The following XKR6 variants were observed in gnomAD, a reference collection of about 807,000 sequenced individuals.
The protein encoded by XKR6 is XK-related protein 6.
In XKR6, 22 loss-of-function variants were observed where a neutral mutation model predicts 56.7. The ratio of observed to expected loss-of-function variants is 0.39; its 90% CI spans 0.28 to 0.55. XKR6 has a LOEUF of 0.55. Among genes scored for constraint, XKR6 ranks in the 20% least tolerant of loss-of-function variants. The probability of loss-of-function intolerance (pLI) is 0.66; values close to 1 mark genes in which losing one functional copy is unlikely to be tolerated. For missense variants in XKR6, 852 were observed against 889.0 expected, an observed-to-expected ratio of 0.96 and a Z score of 0.53; for synonymous variants, 524 against 387.8, an observed-to-expected ratio of 1.35 and a Z score of -4.13.
At chr8:10,924,982 C>T (rs1224701112) in intron 1 of XKR6, 152 bp from the exon 2 acceptor site, 7 of 821,734 alleles carry the variant, frequency 8.5e-6, no homozygotes, top group Non-Finnish European at 1.3e-5. Context: ...CTCTGGGGGG[C>T]TCCCGGCAAA....
chr8:10,960,501 G>A (rs1470132832), intron 1 of XKR6, among the ~76,000 whole-genome samples: 4 of 152,200 alleles, frequency 2.6e-5, no homozygotes, highest in Non-Finnish European at 5.9e-5. Flanking sequence ...ATATTCACAC[G>A]CCTCCACAAG....
At chr8:11,095,491 C>T (rs1045647678) in intron 1 of XKR6, among the ~76,000 whole-genome samples, 3 of 152,172 alleles carry the variant, frequency 2.0e-5, no homozygotes, top group Admixed American at 2.0e-4. Context: ...TGCTTTTAGG[C>T]ACCAGTGCAA....
chr8:11,109,372 G>C, intron 1 of XKR6: 1 of 152,098 alleles, frequency 6.6e-6, no homozygotes, highest in East Asian at 1.9e-4. Context: ...CTTATTTTTA[G>C]CTAAGTTAAT....
intron 1 of XKR6, among the ~76,000 whole-genome samples, chr8:11,120,287 C>G (rs1340489846): frequency 6.6e-6 from 1 of 152,116 alleles, no homozygotes; most frequent in African/African-American, 2.4e-5. Flanking sequence ...TTAGAAAACC[C>G]CATCGCCTCA....
intron 1 of XKR6, among the ~76,000 whole-genome samples, chr8:10,991,433 G>T (rs191139371): frequency 3.3e-5 from 5 of 152,250 alleles, no homozygotes; most frequent in Admixed American, 3.3e-4. Context: ...CTGGCCTGAG[G>T]ATAGTTATGA....
intron 1 of XKR6, among the ~76,000 whole-genome samples, chr8:10,973,802 C>G (rs1586376493): frequency 6.6e-6 from 1 of 152,140 alleles, no homozygotes. Context: ...CCAGGCTGGT[C>G]GTGAACTCAT....
chr8:11,097,858 A>C (rs140303926), intron 1 of XKR6, among the ~76,000 whole-genome samples: 20 of 129,886 alleles, frequency 1.5e-4, no homozygotes, highest in Middle Eastern at 3.9e-3. Flanking sequence ...TACTAAATAC[A>C]TCGTAAATTC....
chr8:11,128,891 C>G (rs754823805), intron 1 of XKR6: 105 of 456,752 alleles, frequency 2.3e-4, no homozygotes, highest in Non-Finnish European at 4.0e-4. Flanking sequence ...TTGCCTTGGT[C>G]ACTGCTAACT....
Position 10,898,296 on chromosome 8 carries a change from G to T in XKR6, c.1582C>A (p.Pro528Thr). 1 of 1,614,084 alleles carries T rather than the reference G, an allele frequency of 6.2e-7. No homozygotes were observed. Residue 528 changes from proline (P) to threonine (T), a missense_variant, in exon 3 of 3, where the codon CCC becomes ACC. This residue lies in a region of XKR6 where 197 missense variants were observed against 190.9 expected (regional missense o/e 1.03). Transcript: ENST00000416569. This position sits in a 1 kb window ranked among gnomAD's most constrained non-coding sequence, Gnocchi z 6.6. ...WGIPLPPDVEPMAPEIPGYRG... is the reference protein window; with the variant it reads ...WGIPLPPDVETMAPEIPGYRG... ...TACCCAGGGATCTCAGGCGCCATGG[G>T]CTCAACATCGGGGGGCAAAGGGATG... is the stretch of plus-strand genomic sequence containing the variant.
chr8:10,946,132 C>T (rs75202192), intron 1 of XKR6, among the ~76,000 whole-genome samples: 7 of 152,200 alleles, frequency 4.6e-5, no homozygotes, highest in African/African-American at 1.7e-4. Context: ...ACACACACCT[C>T]CCTGTGTCAC....
intron 1 of XKR6, among the ~76,000 whole-genome samples, chr8:11,013,705 C>T (rs886410863): frequency 1.3e-5 from 2 of 152,238 alleles, no homozygotes; most frequent in Admixed American, 1.3e-4. Context: ...CCTCCCCTAG[C>T]TGGTTTGGAA....
intron 1 of XKR6, among the ~76,000 whole-genome samples, chr8:11,136,055 T>C (rs1334670491): frequency 1.3e-5 from 2 of 152,200 alleles, no homozygotes; most frequent in Admixed American, 6.5e-5. Flanking sequence ...TGGCACCTTA[T>C]AAATTATTGC....
intron 1 of XKR6, among the ~76,000 whole-genome samples, chr8:11,110,376 T>C (rs751340421): frequency 4.6e-5 from 7 of 152,172 alleles, no homozygotes; most frequent in Non-Finnish European, 8.8e-5. Flanking sequence ...GGTATTGGGG[T>C]AGACTATTCA....
At chr8:11,051,273 C>G (rs934670161) in intron 1 of XKR6, among the ~76,000 whole-genome samples, 1 of 152,230 alleles carries the variant, frequency 6.6e-6, no homozygotes, top group Non-Finnish European at 1.5e-5. Context: ...CTCCTGTCCT[C>G]CAGGTATGGC....
intron 1 of XKR6, among the ~76,000 whole-genome samples, chr8:11,026,764 A>G (rs35234078): frequency 0.18 from 26,747 of 150,036 alleles, 1,855 homozygotes; most frequent in African/African-American, 0.22. Context: ...CTACACATCT[A>G]GATAGCCTAA....
chr8:11,185,465 G>T (rs6601566), intron 1 of XKR6, among the ~76,000 whole-genome samples: 70,831 of 152,068 alleles, frequency 0.47, 18,736 homozygotes, highest in African/African-American at 0.7. Context: ...ACTGATGACA[G>T]TGAAGATTTA....
At chr8:11,152,303 C>G (rs1331287462) in intron 1 of XKR6, among the ~76,000 whole-genome samples, 1 of 152,174 alleles carries the variant, frequency 6.6e-6, no homozygotes, top group Non-Finnish European at 1.5e-5. Context: ...CTGAAACATT[C>G]AGAAGACCCT....
chr8:10,962,897 A>AC (rs1366009658), intron 1 of XKR6, among the ~76,000 whole-genome samples: 4 of 152,180 alleles, frequency 2.6e-5, no homozygotes, highest in Non-Finnish European at 5.9e-5. Flanking sequence ...TGCTGAGATT[A>AC]CAGGCATGAG....
chr8:11,147,874 A>G (rs1255910707), intron 1 of XKR6, among the ~76,000 whole-genome samples: 3 of 152,084 alleles, frequency 2.0e-5, no homozygotes, highest in Non-Finnish European at 4.4e-5. Context: ...GTATCTCAGA[A>G]TGTGGCTGTA....
Sources: gnomAD v4.1 joint callset for allele counts (sites outside exome capture counted in the v4.1 genomes callset) on GRCh38, gnomAD v4.1.1 for gene constraint, gnomAD v4.1.1 regional missense constraint, Gnocchi (gnomAD v3.1) non-coding constraint, MANE v1.5 for transcripts, NCBI Gene and HGNC (gene_info 2026-07-23, HGNC 2026-07-21) for gene names.